The following FRMD4A variants were observed in gnomAD, a reference collection of about 807,000 sequenced individuals.
FRMD4A encodes FERM domain-containing protein 4A.
Under a neutral mutation model 129.1 loss-of-function variants are expected in FRMD4A, and 29 were observed. The ratio of observed to expected loss-of-function variants is 0.22; its 90% CI spans 0.17 to 0.31. The LOEUF (loss-of-function observed/expected upper bound fraction) is 0.31, where lower values mean the gene tolerates loss of function less well. Ranked by LOEUF, FRMD4A falls within the 10% of genes least tolerant of loss-of-function variation. The pLI is 1.00. For missense variants in FRMD4A, 1,272 were observed against 1,375.8 expected, an observed-to-expected ratio of 0.92 and a Z score of 1.19; for synonymous variants, 634 against 571.6, an observed-to-expected ratio of 1.11 and a Z score of -1.56.
In FRMD4A at chr10:14,123,245, C is replaced by T. The variant is rs11258876; in HGVS notation, c.45+206813G>A. Among the ~76,000 whole-genome samples the T allele has an allele frequency of 9.8e-3, 1,490 of 152,206 alleles. 19 individuals are homozygous for T. The highest frequency in any genetic ancestry group is 0.033 in the African/African-American group (1,363 of 41,522). On this transcript the variant is annotated intron_variant, in intron 2 of 24. Coordinates refer to ENST00000357447, the MANE Select transcript of FRMD4A (RefSeq NM_018027.5). ...ACATTTCTTGTATATTGAGAGGCCG[C>T]GAGTTTGAGCCACTCCTGTTAGTTC...
intron 2 of FRMD4A, among the ~76,000 whole-genome samples, chr10:14,167,505 C>T (rs1841246848): frequency 7.4e-6 from 1 of 135,432 alleles, no homozygotes; most frequent in South Asian, 2.4e-4. Context: ...CCACTGCATT[C>T]CAGCCTGGGT....
intron 2 of FRMD4A, among the ~76,000 whole-genome samples, chr10:13,952,215 T>G (rs2095376989): frequency 6.6e-6 from 1 of 151,952 alleles, no homozygotes; most frequent in Non-Finnish European, 1.5e-5. Flanking sequence ...ATGGAGTGGC[T>G]GCCTGGGCGT....
chr10:13,960,057 G>C (rs1230320417), intron 2 of FRMD4A, among the ~76,000 whole-genome samples: 1 of 152,186 alleles, frequency 6.6e-6, no homozygotes, highest in East Asian at 1.9e-4. Context: ...TTGGATCCGG[G>C]ATCAGAGGGA....
Position 14,221,342 on chromosome 10 carries a change from G to A in FRMD4A, c.45+108716C>T, listed in dbSNP as rs185825895. On this transcript the variant is annotated intron_variant, in intron 2 of 24. Transcript: ENST00000357447. ...AGAGGCTTTGGGGAAGGGAGCCAAG[G>A]GGAGAGCATTGGTGGAGATGTGGCC... Among the ~76,000 whole-genome samples, 6 of 152,286 alleles carry A rather than the reference G, an allele frequency of 3.9e-5. No homozygotes were observed. The East Asian group carries it at 9.7e-4, about 25-fold the overall frequency.
chr10:13,920,996 G>C (rs2131257509), intron 2 of FRMD4A, among the ~76,000 whole-genome samples: 1 of 152,216 alleles, frequency 6.6e-6, no homozygotes, highest in East Asian at 1.9e-4. Context: ...GTCTTAGTCT[G>C]TTCAGGCTGC....
At chr10:14,158,033 T>C (rs1467296665) in intron 2 of FRMD4A, among the ~76,000 whole-genome samples, 1 of 151,960 alleles carries the variant, frequency 6.6e-6, no homozygotes, top group Non-Finnish European at 1.5e-5. Flanking sequence ...GCACCAGCAA[T>C]ACTAGAGTAA....
chr10:14,251,701 C>G (rs566201676), intron 2 of FRMD4A, among the ~76,000 whole-genome samples: 1 of 152,180 alleles, frequency 6.6e-6, no homozygotes, highest in Non-Finnish European at 1.5e-5. Context: ...CTTTGAGTGG[C>G]TCAGGGTTTA....
chr10:13,825,873 ATC>A (rs1438444632), intron 3 of FRMD4A, among the ~76,000 whole-genome samples: 1 of 152,262 alleles, frequency 6.6e-6, no homozygotes, highest in Non-Finnish European at 1.5e-5. Context: ...GGACTTGAGC[ATC>A]TGATGATTTT....
chr10:13,645,841 C>T lies in FRMD4A; in HGVS notation c.*1197G>A, dbSNP rs1564492716. On this transcript the variant is annotated 3_prime_UTR_variant, in exon 25 of 25. Coordinates refer to ENST00000357447, the MANE Select transcript of FRMD4A (RefSeq NM_018027.5). ...CGACAGTTAAACACTGAATGGATCG[C>T]AATGTGCTTTTCCCTTGGTTTCCCA... The T allele has an allele frequency of 6.6e-6, 1 of 152,584 alleles. No homozygotes were observed. The highest frequency in any genetic ancestry group is 2.4e-5 in the African/African-American group (1 of 41,424). The allele number at this position is 152,584 out of a possible 1,614,324, so 9.5% of individuals were successfully genotyped here.
At chr10:14,321,642 T>C (rs1189564562) in intron 2 of FRMD4A, among the ~76,000 whole-genome samples, 2 of 152,088 alleles carry the variant, frequency 1.3e-5, no homozygotes, top group East Asian at 1.9e-4. Context: ...AACTGGAGAA[T>C]TTTAGGCAGA....
rs973964627 is a variant in FRMD4A at position 14,330,070 on chromosome 10, G to A, written c.33C>T (p.Leu11=). The change falls in exon 2 of 25, where the codon CTC becomes CTT. Residue 11 remains leucine (L), a synonymous_variant. Coordinates refer to ENST00000357447, the MANE Select transcript of FRMD4A (RefSeq NM_018027.5). MAVQLVPDSA[L]GLLMMTEGRR... is the part of the protein sequence containing the mutation. ...TCTGAACACTCACCATCAGCAGGCC[G>A]AGAGCTGAGTCGGGCACCAGCTGCA... 15 of 1,553,244 alleles carry A rather than the reference G, an allele frequency of 9.7e-6. No individual in the cohort carries two copies. In the African/African-American group the frequency reaches 1.5e-4, roughly 16 times the overall value.
chr10:13,736,364 G>A (rs1301197510), intron 12 of FRMD4A, among the ~76,000 whole-genome samples: 1 of 151,996 alleles, frequency 6.6e-6, no homozygotes, highest in Non-Finnish European at 1.5e-5. Context: ...AAGAACAGGG[G>A]GTCCAATTCA....
intron 2 of FRMD4A, among the ~76,000 whole-genome samples, chr10:13,913,225 G>T (rs554540387): frequency 8.5e-5 from 13 of 152,208 alleles, no homozygotes; most frequent in African/African-American, 2.9e-4. Context: ...GAAATGTGCA[G>T]AATAGACAAA....
Position 14,330,141 on chromosome 10 carries a change from A to T in FRMD4A, c.-39T>A. 1.3e-6 allele frequency: 2 copies of T among 1,549,510 alleles called. No individual in the cohort carries two copies. Among genetic ancestry groups the T allele is most frequent in the South Asian group, 1.2e-5 (1 of 84,016 alleles). The stretch of plus-strand genomic sequence containing the variant: ...CATGCACGAATCCTGCTGCCGAGTC[A>T]GTCCTCCTGGGCCCCGGGTGGCTAC... On this transcript the variant is annotated 5_prime_UTR_variant, in exon 2 of 25. Coordinates refer to ENST00000357447, the MANE Select transcript of FRMD4A (RefSeq NM_018027.5).
intron 2 of FRMD4A, among the ~76,000 whole-genome samples, chr10:14,177,593 C>T (rs1841776742): frequency 6.6e-6 from 1 of 152,162 alleles, no homozygotes; most frequent in Non-Finnish European, 1.5e-5. Flanking sequence ...CTCTCAATCT[C>T]CCTAAAGGTT....
intron 2 of FRMD4A, among the ~76,000 whole-genome samples, chr10:14,222,962 C>T (rs1356041131): frequency 6.6e-6 from 1 of 152,184 alleles, no homozygotes; most frequent in Non-Finnish European, 1.5e-5. Context: ...GTGGCTCATG[C>T]CTATAATCCC....
chr10:13,682,691 G>A (rs1019019434), intron 15 of FRMD4A, among the ~76,000 whole-genome samples: 1 of 151,776 alleles, frequency 6.6e-6, no homozygotes, highest in Non-Finnish European at 1.5e-5. Flanking sequence ...AGTAGAGATG[G>A]GGTTAGTAGA....
chr10:13,741,158 C>T (rs913379997), intron 9 of FRMD4A, among the ~76,000 whole-genome samples: 1 of 151,972 alleles, frequency 6.6e-6, no homozygotes, highest in Non-Finnish European at 1.5e-5. Flanking sequence ...AAATATAAGA[C>T]TGGAGCCCAG....
intron 2 of FRMD4A, among the ~76,000 whole-genome samples, chr10:14,091,623 T>TG (rs1588955329): frequency 6.6e-6 from 1 of 152,240 alleles, no homozygotes; most frequent in East Asian, 1.9e-4. Context: ...TTAGTAGAGA[T>TG]GGGGTTTCAC....
Sources: gnomAD v4.1 joint callset for allele counts (sites outside exome capture counted in the v4.1 genomes callset) on GRCh38, gnomAD v4.1.1 for gene constraint, MANE v1.5 for transcripts, NCBI Gene and HGNC (gene_info 2026-07-23, HGNC 2026-07-21) for gene names.